LAMA2: variants seen among roughly 807,000 people sequenced by gnomAD.
The protein encoded by LAMA2 is laminin subunit alpha 2.
Under a neutral mutation model 364.8 loss-of-function variants are expected in LAMA2, and 269 were observed. That is an observed-to-expected ratio of 0.74 (90% CI 0.67 to 0.82). LAMA2 has a LOEUF of 0.82. Ranked by LOEUF, LAMA2 falls within the 40% of genes least tolerant of loss-of-function variation. The probability of loss-of-function intolerance (pLI) is 0.00; values close to 1 mark genes in which losing one functional copy is unlikely to be tolerated. For missense variants in LAMA2, 3,807 were observed against 3,873.2 expected, an observed-to-expected ratio of 0.98 and a Z score of 0.45; for synonymous variants, 1,379 against 1,370.6, an observed-to-expected ratio of 1.01 and a Z score of -0.14.
intron 4 of LAMA2, among the ~76,000 whole-genome samples, chr6:129,110,972 A>T (rs1238336777): frequency 1.3e-5 from 2 of 152,072 alleles, no homozygotes; most frequent in African/African-American, 4.8e-5. Flanking sequence ...TACACTTGAA[A>T]ATACAACAAA....
chr6:129,030,023 C>A (rs1402935383), intron 1 of LAMA2, among the ~76,000 whole-genome samples: 2 of 152,006 alleles, frequency 1.3e-5, no homozygotes, highest in South Asian at 4.1e-4. Flanking sequence ...CCTTTCAGAT[C>A]CTTATCTTTA....
intron 12 of LAMA2, among the ~76,000 whole-genome samples, chr6:129,248,268 C>T (rs1475436893): frequency 6.6e-6 from 1 of 152,186 alleles, no homozygotes; most frequent in Non-Finnish European, 1.5e-5. Flanking sequence ...CCACGAAACC[C>T]ATGCCTGATG....
chr6:129,221,119 C>T (rs1395626825), intron 12 of LAMA2, among the ~76,000 whole-genome samples: 2 of 150,396 alleles, frequency 1.3e-5, no homozygotes, highest in Non-Finnish European at 3.0e-5. Context: ...GCCAAGATCA[C>T]ACCACTGCAC....
In LAMA2 at chr6:129,297,614, G is replaced by A. The variant is rs933672159; in HGVS notation, c.2857-71G>A. On this transcript the variant is annotated intron_variant, in intron 20 of 64. Transcript: ENST00000421865. ...TTCCTCTGTTCCCACCTGATCTTTG[G>A]TATTGTGCATCTTGCTTCACTTCGA... 18 of 1,392,642 alleles carry A rather than the reference G, an allele frequency of 1.3e-5. No homozygotes were observed. The African/African-American group carries it at 2.4e-4, about 19-fold the overall frequency. The allele number at this position is 1,392,642 out of a possible 1,614,324, so 86.3% of individuals were successfully genotyped here. A position where few individuals can be genotyped will look rare whatever the true frequency, so the allele number is the denominator to read the frequency against.
chr6:129,507,727 TAGAGTCCTAA>T, intron 62 of LAMA2, 85 bp downstream of exon 62: 1 of 1,370,688 alleles, frequency 7.3e-7, no homozygotes, highest in South Asian at 1.2e-5. Flanking sequence ...TAAAAGTTCC[TAGAGTCCTAA>T]ACTAGTATCC....
intron 4 of LAMA2, among the ~76,000 whole-genome samples, chr6:129,136,162 T>C (rs1480345459): frequency 6.6e-6 from 1 of 152,172 alleles, no homozygotes; most frequent in Non-Finnish European, 1.5e-5. Flanking sequence ...CCAGGATCTT[T>C]CACTCAATTC....
At chr6:129,010,218 A>G (rs923494800) in intron 1 of LAMA2, among the ~76,000 whole-genome samples, 1 of 152,222 alleles carries the variant, frequency 6.6e-6, no homozygotes, top group Non-Finnish European at 1.5e-5. Flanking sequence ...CTTGGGACAG[A>G]CTTATATTTT....
At chr6:128,888,601 C>A (rs746828385) in intron 1 of LAMA2, among the ~76,000 whole-genome samples, 4 of 152,044 alleles carry the variant, frequency 2.6e-5, no homozygotes, top group Non-Finnish European at 5.9e-5. Flanking sequence ...TTGGCAAACA[C>A]TTGAAGATGA....
chr6:129,395,195 G>A (rs541143509), intron 37 of LAMA2, among the ~76,000 whole-genome samples: 6 of 152,016 alleles, frequency 3.9e-5, no homozygotes, highest in African/African-American at 1.2e-4. Flanking sequence ...ATACAGGTTC[G>A]AGGAAAACTG....
chr6:128,888,829 T>TA (rs1227303110), intron 1 of LAMA2, among the ~76,000 whole-genome samples: 3 of 152,188 alleles, frequency 2.0e-5, no homozygotes, highest in Non-Finnish European at 4.4e-5. Context: ...AATAAATGAA[T>TA]AAAATCACAG....
At chr6:129,511,889 G>T (rs1044653732) in intron 62 of LAMA2, among the ~76,000 whole-genome samples, 11 of 152,096 alleles carry the variant, frequency 7.2e-5, no homozygotes, top group Non-Finnish European at 1.6e-4. Context: ...CCTTTCAGAT[G>T]ATTGTGGCAC....
chr6:128,921,460 G>A (rs1249324346), intron 1 of LAMA2, among the ~76,000 whole-genome samples: 2 of 152,134 alleles, frequency 1.3e-5, no homozygotes, highest in Non-Finnish European at 2.9e-5. Context: ...TGTCATACTG[G>A]TTTAGGGTGG....
chr6:129,447,194 G>A (rs1481490244), intron 45 of LAMA2, among the ~76,000 whole-genome samples: 1 of 152,180 alleles, frequency 6.6e-6, no homozygotes, highest in Non-Finnish European at 1.5e-5. Flanking sequence ...TAAAATAGTA[G>A]GGAAAATAAA....
rs184806653 is a variant in LAMA2 at position 129,296,872 on chromosome 6, G to T, written c.2857-813G>T. ...CTCGGAGTGATTTTTTAATCCATCAGCATTTTCTAACGTTTCATTTTAAGC... is the reference window on the plus strand; with the variant it reads ...CTCGGAGTGATTTTTTAATCCATCATCATTTTCTAACGTTTCATTTTAAGC... On this transcript the variant is annotated intron_variant, in intron 20 of 64. Coordinates refer to ENST00000421865, the MANE Select transcript of LAMA2 (RefSeq NM_000426.4). Among the ~76,000 whole-genome samples, 434 of 152,160 alleles carry T rather than the reference G, an allele frequency of 2.9e-3. 4 individuals carry two copies. The highest frequency in any genetic ancestry group is 0.01 in the African/African-American group (422 of 41,544).
At chr6:129,173,841 G>A (rs772279738) in intron 9 of LAMA2, among the ~76,000 whole-genome samples, 2 of 152,040 alleles carry the variant, frequency 1.3e-5, no homozygotes, top group Non-Finnish European at 2.9e-5. Flanking sequence ...GATTACGAGG[G>A]AAATACGATG....
chr6:128,990,485 C>T (rs1278250896), intron 1 of LAMA2, among the ~76,000 whole-genome samples: 1 of 152,194 alleles, frequency 6.6e-6, no homozygotes, highest in Non-Finnish European at 1.5e-5. Context: ...TGTGCTTCAA[C>T]TCCCTATTAT....
intron 4 of LAMA2, among the ~76,000 whole-genome samples, chr6:129,109,847 A>T (rs184441915): frequency 6.6e-6 from 1 of 152,070 alleles, no homozygotes; most frequent in Non-Finnish European, 1.5e-5. Flanking sequence ...CTCAGGTAAA[A>T]TTCTATCTGA....
chr6:129,174,056 A>T (rs1780400450), intron 9 of LAMA2, among the ~76,000 whole-genome samples: 1 of 152,098 alleles, frequency 6.6e-6, no homozygotes, highest in Admixed American at 6.5e-5. Flanking sequence ...TTATGTAATC[A>T]GCTGTCAAAG....
chr6:129,340,685 A>G (rs2114563905), intron 29 of LAMA2, among the ~76,000 whole-genome samples: 1 of 151,984 alleles, frequency 6.6e-6, no homozygotes, highest in South Asian at 2.1e-4. Context: ...AAAATACAAA[A>G]AATTAGCCTG....
Sources: gnomAD v4.1 joint callset for allele counts (sites outside exome capture counted in the v4.1 genomes callset) on GRCh38, gnomAD v4.1.1 for gene constraint, MANE v1.5 for transcripts, NCBI Gene and HGNC (gene_info 2026-07-23, HGNC 2026-07-21) for gene names.